MYOF: variants seen among roughly 807,000 people sequenced by gnomAD.
The protein encoded by MYOF is fer-1-like 3, myoferlin.
Under a neutral mutation model 284.2 loss-of-function variants are expected in MYOF, and 244 were observed. That is an observed-to-expected ratio of 0.86 (90% confidence interval 0.77 to 0.95). The LOEUF (loss-of-function observed/expected upper bound fraction) is 0.95. MYOF is among the 40% of genes least tolerant of loss of function. The pLI is 0.00. For missense variants in MYOF, 2,496 were observed against 2,560.6 expected (o/e 0.97, Z 0.54); for synonymous variants, 904 against 919.7 (o/e 0.98, Z 0.31).
At chr10:93,326,113 G>C in intron 45 of MYOF, 148 bp from the exon 46 acceptor site, 1 of 1,077,880 alleles carries the variant, frequency 9.3e-7, no homozygotes, top group Non-Finnish European at 1.3e-6. Context: ...TGAAGGAAGA[G>C]TTGACAGAAA....
intron 28 of MYOF, among the ~76,000 whole-genome samples, chr10:93,360,516 T>C (rs1382386770): frequency 6.6e-6 from 1 of 152,226 alleles, no homozygotes; most frequent in Non-Finnish European, 1.5e-5. Flanking sequence ...ATGCTAACGA[T>C]TATTCTGAGA....
Position 93,402,343 on chromosome 10 carries a change from A to G in MYOF, c.879T>C (p.His293=). 1 of 1,611,998 alleles carries G rather than the reference A, an allele frequency of 6.2e-7. No homozygotes were observed. The highest frequency in any genetic ancestry group is 1.1e-5 in the South Asian group (1 of 91,028). The part of the protein sequence containing the change: ...DVGFVYDEPG[H]AVMRKWLLLN... ...GAAGAAGCCACTTTCTCATGACAGC[A>G]TGGCCTAAAATAGAGAAGGAGTAAA... Residue 293 remains histidine, a synonymous_variant, in exon 11 of 54, where the codon CAT becomes CAC. Transcript: ENST00000359263.
chr10:93,314,082 A>G (rs1564610656), intron 50 of MYOF, among the ~76,000 whole-genome samples: 1 of 152,020 alleles, frequency 6.6e-6, no homozygotes, highest in Non-Finnish European at 1.5e-5. Context: ...TGTCCCTTCT[A>G]TGATGTAAGG....
At chr10:93,383,515 G>C (rs748078133) in intron 19 of MYOF, among the ~76,000 whole-genome samples, 8 of 152,120 alleles carry the variant, frequency 5.3e-5, no homozygotes, top group Non-Finnish European at 1.0e-4. Flanking sequence ...GGGAGGATTG[G>C]GGGTGCACGC....
In MYOF at chr10:93,319,450, C is replaced by T. The variant is rs531977003; in HGVS notation, c.5598+422G>A. On this transcript the variant is annotated intron_variant, in intron 49 of 53. Coordinates refer to ENST00000359263, the MANE Select transcript of MYOF (RefSeq NM_013451.4). The stretch of plus-strand genomic sequence containing the variant: ...GGGCCCTGAGCCCTCATGGCAGTGC[C>T]TCTGAGGGAGGTAAAGCAGATGTGG... Among the ~76,000 whole-genome samples the T allele has an allele frequency of 2.1e-3, 313 of 152,224 alleles. 6 individuals are homozygous for T. The highest frequency in any genetic ancestry group is 2.2e-3 in the Non-Finnish European group (148 of 68,028).
chr10:93,313,361 T>A, intron 50 of MYOF, 151 bp from the exon 51 acceptor site: 1 of 679,104 alleles, frequency 1.5e-6, no homozygotes, highest in Non-Finnish European at 2.3e-6. Context: ...GGTGGACATT[T>A]AAAGTCTTTC....
intron 19 of MYOF, among the ~76,000 whole-genome samples, chr10:93,383,369 G>A (rs923691042): frequency 3.3e-5 from 5 of 152,102 alleles, no homozygotes; most frequent in African/African-American, 1.2e-4. Context: ...TCCCCTCTAG[G>A]CCTCAATCTT....
rs536450540 is a variant in MYOF, at chr10:93,366,678, T to C, written c.2590-123A>G. 31 of 799,264 alleles carry C rather than the reference T, an allele frequency of 3.9e-5. No individual in the cohort carries two copies. In the East Asian group the frequency reaches 8.1e-4, roughly 21 times the overall value. 49.5% of individuals were successfully genotyped at this position (799,264 alleles called of 1,614,324 possible). On this transcript the variant is annotated intron_variant, in intron 25 of 53. Transcript: ENST00000359263. ...AACTACAGAAAGCAGAAAAAAGCTT[T>C]ATGCTCAGAAGGTATGGACCTAACT...
intron 22 of MYOF, among the ~76,000 whole-genome samples, chr10:93,376,062 T>C (rs1048640866): frequency 6.6e-6 from 1 of 152,232 alleles, no homozygotes; most frequent in African/African-American, 2.4e-5. Context: ...CCTTAGACAC[T>C]GAATTTCCTG....
intron 50 of MYOF, among the ~76,000 whole-genome samples, chr10:93,314,691 T>C (rs914531975): frequency 1.3e-5 from 2 of 152,220 alleles, no homozygotes; most frequent in South Asian, 2.1e-4. Context: ...TTTGGTTATG[T>C]GCTCACTTGG....
chr10:93,382,640 A>G (rs1846178788), intron 19 of MYOF, among the ~76,000 whole-genome samples: 1 of 152,028 alleles, frequency 6.6e-6, no homozygotes, highest in Non-Finnish European at 1.5e-5. Flanking sequence ...GGCACATAAA[A>G]TCTCTTGAAT....
chr10:93,362,322 T>C (rs1185821107), intron 27 of MYOF, among the ~76,000 whole-genome samples: 1 of 151,902 alleles, frequency 6.6e-6, no homozygotes, highest in Non-Finnish European at 1.5e-5. Context: ...CTCGAGTCAC[T>C]GCAACCTCCC....
chr10:93,381,472 C>A, intron 19 of MYOF, 76 bp from the exon 20 acceptor site: 1 of 1,406,544 alleles, frequency 7.1e-7, no homozygotes, highest in South Asian at 1.3e-5. Flanking sequence ...CTAGGAGACG[C>A]AATTCTACAC....
At chr10:93,329,609 C>T (rs1181852285) in intron 44 of MYOF, 55 bp downstream of exon 44, 2 of 1,595,098 alleles carry the variant, frequency 1.3e-6, no homozygotes, top group Admixed American at 1.7e-5. Context: ...TAGGCCTCCC[C>T]AGGTGCCAAT....
At chr10:93,307,739 C>G (rs1263861638) in intron 53 of MYOF, among the ~76,000 whole-genome samples, 1 of 151,642 alleles carries the variant, frequency 6.6e-6, no homozygotes, top group East Asian at 2.0e-4. Context: ...ATTCTCCAGC[C>G]TCAGCCTCCC....
At position 93,408,905 on chromosome 10, in the gene MYOF, C is replaced by T. The variant is rs367957667; in HGVS notation, c.611G>A (p.Arg204Gln). 221 of 1,614,078 alleles carry T rather than the reference C, an allele frequency of 1.4e-4. 1 individual carries two copies. Among genetic ancestry groups the T allele is most frequent in the Non-Finnish European group, 1.8e-4 (209 of 1,180,046 alleles). ...NKPQDFQIRV[R>Q]VIEGRQLSGN... The stretch of plus-strand genomic sequence containing the variant: ...ACTTAACTGTCGGCCCTCAATCACT[C>T]GGACGCGGATCTGCAGCACAGAAGG... Residue 204 changes from arginine to glutamine, a missense_variant, in exon 7 of 54, where the codon CGA becomes CAA. Physicochemically the swap from Arg to Gln is conservative, Grantham distance 43. Transcript: ENST00000359263.
Position 93,426,037 on chromosome 10 carries a change from G to C in MYOF, c.433+34C>G, listed in dbSNP as rs746196709. ...TGTGTGTCTTTAGCAGCCTCCCCCT[G>C]GGGGTGGCTGGGCCTTCAGAAGGGT... is the stretch of plus-strand genomic sequence containing the variant. On this transcript the variant is annotated intron_variant, in intron 5 of 53. Coordinates refer to ENST00000359263, the MANE Select transcript of MYOF (RefSeq NM_013451.4). The C allele has an allele frequency of 1.1e-4, 167 of 1,541,768 alleles. No individual in the cohort carries two copies. In the Middle Eastern group the frequency reaches 2.0e-3, roughly 18 times the overall value.
chr10:93,456,766 G>T, intron 2 of MYOF, 116 bp downstream of exon 2: 1 of 738,092 alleles, frequency 1.4e-6, no homozygotes, highest in Non-Finnish European at 2.3e-6. Flanking sequence ...CGGAGTGGGT[G>T]GGGGTGAAAT....
chr10:93,389,221 T>C lies in MYOF; in HGVS notation c.1457-67A>G, dbSNP rs996367002. 3.3e-6 allele frequency: 5 copies of C among 1,511,368 alleles called. No individual in the cohort carries two copies. The South Asian group carries it at 6.8e-5, about 20-fold the overall frequency. 93.6% of individuals were successfully genotyped at this position (1,511,368 alleles called of 1,614,324 possible). On this transcript the variant is annotated intron_variant, in intron 17 of 53. Transcript: ENST00000359263. ...TTCAATCTATTGAAATAAATATTAG[T>C]TATTAGTTAGTTAGGTGAGACTATT... is the stretch of plus-strand genomic sequence containing the variant.
Sources: gnomAD v4.1 joint callset for allele counts (sites outside exome capture counted in the v4.1 genomes callset) on GRCh38, gnomAD v4.1.1 for gene constraint, MANE v1.5 for transcripts, NCBI Gene and HGNC (gene_info 2026-07-23, HGNC 2026-07-21) for gene names.